The following MGAT4D variants were observed in gnomAD, a reference collection of about 807,000 sequenced individuals.
MGAT4D encodes MGAT4 family member D.
In MGAT4D, 34 loss-of-function variants were observed where a neutral mutation model predicts 15.9. That is an observed-to-expected ratio of 2.14 (90% CI 1.62 to 2.84). MGAT4D has a LOEUF of 2.84. Ranked by LOEUF, MGAT4D falls within the 30% of genes most tolerant of loss-of-function variation. The pLI is 0.00. For synonymous variants in MGAT4D, 112 were observed against 48.2 expected, an observed-to-expected ratio of 2.33 and a Z score of -5.49; for missense variants, 327 against 140.2, an observed-to-expected ratio of 2.33 and a Z score of -6.73.
At chr4:140,488,798 G>A (rs1264969063) in intron 1 of MGAT4D, among the ~76,000 whole-genome samples, 1 of 152,152 alleles carries the variant, frequency 6.6e-6, no homozygotes, top group East Asian at 1.9e-4. Flanking sequence ...ATGGCTTGGT[G>A]CTATCCTCAT....
chr4:140,493,547 G>A (rs983881937), intron 1 of MGAT4D, among the ~76,000 whole-genome samples: 38 of 151,772 alleles, frequency 2.5e-4, no homozygotes, highest in Non-Finnish European at 1.6e-4. Context: ...TGCCCACCTC[G>A]GCCTCCCAAA....
At chr4:140,458,808 T>C (rs970569028) in intron 8 of MGAT4D, 1 of 152,068 alleles carries the variant, frequency 6.6e-6, no homozygotes, top group Non-Finnish European at 1.5e-5. Flanking sequence ...GTGAACAATA[T>C]ATTGAAGAGT....
chr4:140,452,487 G>A (rs1191741558), intron 9 of MGAT4D, among the ~76,000 whole-genome samples: 1 of 151,972 alleles, frequency 6.6e-6, no homozygotes, highest in East Asian at 1.9e-4. Context: ...TAAAATAATG[G>A]CTTTGCAAAT....
At chr4:140,471,891 C>T (rs1020589359) in intron 4 of MGAT4D, 70 bp from the exon 5 acceptor site, 3 of 319,024 alleles carry the variant, frequency 9.4e-6, no homozygotes, top group Non-Finnish European at 1.7e-5. Flanking sequence ...ACTTCTTTTG[C>T]TACATATAAA....
intron 4 of MGAT4D, among the ~76,000 whole-genome samples, chr4:140,472,543 A>C (rs1732036728): frequency 6.6e-6 from 1 of 152,202 alleles, no homozygotes; most frequent in South Asian, 2.1e-4. Context: ...GTATGTACTC[A>C]GGTTTCTTGT....
chr4:140,458,160 T>C (rs6836265), intron 8 of MGAT4D: 29,433 of 152,158 alleles, frequency 0.19, 2,919 homozygotes, highest in South Asian at 0.28. Context: ...TGGTCCACTC[T>C]AGGGGACATA....
chr4:140,450,875 A>C (rs562641257), intron 10 of MGAT4D, among the ~76,000 whole-genome samples: 2 of 152,258 alleles, frequency 1.3e-5, no homozygotes, highest in African/African-American at 4.8e-5. Flanking sequence ...TTTGACCTTG[A>C]ATTCCTTGTT....
At chr4:140,444,837 A>G (rs1264532304) in intron 10 of MGAT4D, among the ~76,000 whole-genome samples, 1 of 151,126 alleles carries the variant, frequency 6.6e-6, no homozygotes, top group Non-Finnish European at 1.5e-5. Flanking sequence ...CCAGCACTGT[A>G]TAAGTGTTCT....
At chr4:140,496,817 CAA>C (rs1445308992) in intron 1 of MGAT4D, among the ~76,000 whole-genome samples, 1 of 151,572 alleles carries the variant, frequency 6.6e-6, no homozygotes, top group Admixed American at 6.6e-5. Flanking sequence ...GCCTGGGCAA[CAA>C]GAGTGAAAAC....
intron 5 of MGAT4D, among the ~76,000 whole-genome samples, chr4:140,468,295 C>T (rs1437798736): frequency 5.9e-5 from 9 of 152,094 alleles, no homozygotes; most frequent in East Asian, 1.9e-4. Flanking sequence ...ATTCTAACTA[C>T]AATACGGCAA....
intron 9 of MGAT4D, among the ~76,000 whole-genome samples, chr4:140,454,647 T>C (rs1285421106): frequency 6.6e-6 from 1 of 152,190 alleles, no homozygotes; most frequent in Non-Finnish European, 1.5e-5. Flanking sequence ...TCCTCTTCTA[T>C]TTTGGAGAAG....
intron 7 of MGAT4D, among the ~76,000 whole-genome samples, chr4:140,461,094 C>T (rs1731144347): frequency 6.6e-6 from 1 of 152,138 alleles, no homozygotes; most frequent in Non-Finnish European, 1.5e-5. Context: ...TATGCATAAT[C>T]TGTAGACTAA....
chr4:140,472,536 T>TG (rs1732036115), intron 4 of MGAT4D, among the ~76,000 whole-genome samples: 1 of 152,204 alleles, frequency 6.6e-6, no homozygotes. Context: ...TCTAGATGTA[T>TG]GTACTCAGGT....
In MGAT4D at chr4:140,489,441, T is replaced by A. The variant is rs866144442; in HGVS notation, c.95-6956A>T. Among the ~76,000 whole-genome samples, 7 of 152,234 alleles carry A rather than the reference T, an allele frequency of 4.6e-5. No individual in the cohort carries two copies. In the South Asian group the frequency reaches 1.5e-3, roughly 32 times the overall value. ...ATAAAAATGAACATCCATGAACCCATCACAAACTACCTTAGCCTTAGATAT... is the reference window on the plus strand; with the variant it reads ...ATAAAAATGAACATCCATGAACCCAACACAAACTACCTTAGCCTTAGATAT... On this transcript the variant is annotated intron_variant, in intron 1 of 10. Transcript: ENST00000511113.
intron 3 of MGAT4D, among the ~76,000 whole-genome samples, chr4:140,477,208 A>C (rs925333086): frequency 6.6e-6 from 1 of 151,834 alleles, no homozygotes; most frequent in African/African-American, 2.4e-5. Context: ...TACTTAGTCT[A>C]CTCCAATTCT....
At chr4:140,474,746 C>T in intron 4 of MGAT4D, 67 bp downstream of exon 4, 1 of 493,210 alleles carries the variant, frequency 2.0e-6, no homozygotes, top group Non-Finnish European at 3.6e-6. Context: ...TGATTATTAC[C>T]ATTGAGGAAG....
Position 140,450,108 on chromosome 4 carries a change from C to A in MGAT4D, c.1116+1302G>T, listed in dbSNP as rs574119738. ...TTTAAAGCTTTAGAAACATGAAACT[C>A]CTAATAGACATCCTGTTAAAAATTT... On this transcript the variant is annotated intron_variant, in intron 10 of 10. Transcript: ENST00000511113. The A allele has an allele frequency of 6.8e-4, 243 of 359,828 alleles. 1 individual carries two copies. The highest frequency in any genetic ancestry group is 1.4e-3 in the Admixed American group (30 of 21,568). 22.3% of individuals were successfully genotyped at this position (359,828 alleles called of 1,614,324 possible).
At chr4:140,450,568 G>C (rs1391035292) in intron 10 of MGAT4D, among the ~76,000 whole-genome samples, 3 of 152,130 alleles carry the variant, frequency 2.0e-5, no homozygotes, top group African/African-American at 7.2e-5. Flanking sequence ...TATGTTCTAG[G>C]CATGGTTCCA....
chr4:140,474,849 T>C lies in MGAT4D; in HGVS notation c.489A>G (p.Gln163=). 1 of 698,236 alleles carries C rather than the reference T, an allele frequency of 1.4e-6. No homozygotes were observed. The highest frequency in any genetic ancestry group is 1.5e-5 in the South Asian group (1 of 66,496). The allele number at this position is 698,236 out of a possible 1,614,324, so 43.3% of individuals were successfully genotyped here. A position where few individuals can be genotyped will look rare whatever the true frequency, so the allele number is the denominator to read the frequency against. Reference sequence around the variant, plus strand: ...AGACAATCACTACAGAATCCTTCTCTTGGGAGAGCGTCATCCTGGAGACAA... The same window carrying C: ...AGACAATCACTACAGAATCCTTCTCCTGGGAGAGCGTCATCCTGGAGACAA... ...TSVVSRMTLS[Q]EKDSVVIVLV... The change falls in exon 4 of 11, where the codon CAA becomes CAG. Residue 163 remains glutamine (Q), a synonymous_variant. Transcript: ENST00000511113.
Sources: allele counts gnomAD v4.1 joint callset (sites outside exome capture counted in the v4.1 genomes callset), GRCh38; gene constraint gnomAD v4.1.1; transcripts MANE v1.5; gene names NCBI Gene and HGNC (gene_info 2026-07-23, HGNC 2026-07-21).